The following KIRREL3 variants were observed in gnomAD, a reference collection of about 807,000 sequenced individuals.
The protein encoded by KIRREL3 is kirre like nephrin family adhesion molecule 3.
In KIRREL3, 36 loss-of-function variants were observed where a neutral mutation model predicts 89.7. That is an observed-to-expected ratio of 0.40 (90% CI 0.31 to 0.53). The LOEUF is 0.53. Ranked by LOEUF, KIRREL3 falls within the 20% of genes least tolerant of loss-of-function variation. The pLI is 0.49. For synonymous variants in KIRREL3, 445 were observed against 441.4 expected (o/e 1.01, Z -0.10); for missense variants, 864 against 1,056.6 (o/e 0.82, Z 2.53).
chr11:126,606,089 A>G lies in KIRREL3; in HGVS notation c.56-43177T>C, dbSNP rs966103191. Among the ~76,000 whole-genome samples the G allele has an allele frequency of 2.6e-5, 4 of 152,216 alleles. No homozygotes were observed. Among genetic ancestry groups the G allele is most frequent in the Non-Finnish European group, 5.9e-5 (4 of 68,044 alleles). On this transcript the variant is annotated intron_variant, in intron 1 of 16. Transcript: ENST00000525144. The surrounding 1 kb of genome is among the most constrained non-coding windows in gnomAD (Gnocchi z 4.6). Reference sequence around the variant, plus strand: ...AATCTCCCTGAGCCTCCATTTCTTCAGTAAAATGGAGCTAATAATCATATT... The same window carrying G: ...AATCTCCCTGAGCCTCCATTTCTTCGGTAAAATGGAGCTAATAATCATATT...
At chr11:126,695,754 G>T (rs1240042981) in intron 1 of KIRREL3, among the ~76,000 whole-genome samples, 3 of 152,222 alleles carry the variant, frequency 2.0e-5, no homozygotes, top group African/African-American at 7.2e-5. Context: ...CTGAGAGAGG[G>T]GAAGGAGGCA....
At chr11:126,665,318 C>G (rs1302165641) in intron 1 of KIRREL3, among the ~76,000 whole-genome samples, 1 of 152,166 alleles carries the variant, frequency 6.6e-6, no homozygotes, top group African/African-American at 2.4e-5. Flanking sequence ...AAAAATTCTA[C>G]TATAAGAATA....
intron 1 of KIRREL3, among the ~76,000 whole-genome samples, chr11:126,760,536 C>T (rs2226935): frequency 0.23 from 34,305 of 152,112 alleles, 3,983 homozygotes; most frequent in South Asian, 0.32. Context: ...TCCCTGTTCT[C>T]ATTGAGCTTG....
rs1024759675 is a variant in KIRREL3 at position 126,641,467 on chromosome 11, G to A, written c.56-78555C>T. Among the ~76,000 whole-genome samples, 1 of 152,064 alleles carries A rather than the reference G, an allele frequency of 6.6e-6. No homozygotes were observed. Among genetic ancestry groups the A allele is most frequent in the Non-Finnish European group, 1.5e-5 (1 of 68,016 alleles). ...CAGATTCTGGCTACAAATACCTGAG[G>A]TAAAAGGATACCTTTGACATTAGCA... On this transcript the variant is annotated intron_variant, in intron 1 of 16. Coordinates refer to ENST00000525144, the MANE Select transcript of KIRREL3 (RefSeq NM_032531.4). This position sits in a 1 kb window ranked among gnomAD's most constrained non-coding sequence, Gnocchi z 5.0.
chr11:126,885,427 A>T (rs1218164937), intron 1 of KIRREL3, among the ~76,000 whole-genome samples: 1 of 152,244 alleles, frequency 6.6e-6, no homozygotes, highest in Admixed American at 6.5e-5. Context: ...GCGTATGTTT[A>T]TCAAATGCAT....
At chr11:126,850,054 A>T (rs942729217) in intron 1 of KIRREL3, among the ~76,000 whole-genome samples, 3 of 152,358 alleles carry the variant, frequency 2.0e-5, no homozygotes, top group Admixed American at 6.5e-5. Flanking sequence ...CTTGTCAGGT[A>T]TCAACAGTAC....
chr11:126,865,691 G>A (rs1464654416), intron 1 of KIRREL3, among the ~76,000 whole-genome samples: 1 of 152,228 alleles, frequency 6.6e-6, no homozygotes, highest in Non-Finnish European at 1.5e-5. Context: ...GATCGACGAA[G>A]TCTCTGTTTC....
rs577152237 is a variant in KIRREL3, at chr11:126,834,879, G to C, written c.55+165576C>G. Among the ~76,000 whole-genome samples, 35 of 152,320 alleles carry C rather than the reference G, an allele frequency of 2.3e-4. No homozygotes were observed. The East Asian group carries it at 6.2e-3, about 27-fold the overall frequency. On this transcript the variant is annotated intron_variant, in intron 1 of 16. Transcript: ENST00000525144. ...CAAACAAATCATTGCTTTTTTGTCAGTGTTCCTCCTACTGACCATGCTCAG... is the reference window on the plus strand; with the variant it reads ...CAAACAAATCATTGCTTTTTTGTCACTGTTCCTCCTACTGACCATGCTCAG...
rs1246808168 is a variant in KIRREL3 at position 126,748,764 on chromosome 11, GC to G, written c.56-185853del. 6.6e-6 allele frequency among the ~76,000 whole-genome samples: 1 copy of G among 152,144 alleles called. No homozygotes were observed. The highest frequency in any genetic ancestry group is 1.9e-4 in the East Asian group (1 of 5,190). On this transcript the variant is annotated intron_variant, in intron 1 of 16. Transcript: ENST00000525144. The surrounding 1 kb of genome is among the most constrained non-coding windows in gnomAD (Gnocchi z 4.6). ...CCATCGCTGTGATAAAAGCCTCTCT[GC>G]CCACCGAAACTGTGCATGGGATCCT...
intron 1 of KIRREL3, among the ~76,000 whole-genome samples, chr11:126,688,542 A>G (rs1357535333): frequency 6.6e-6 from 1 of 152,212 alleles, no homozygotes; most frequent in Non-Finnish European, 1.5e-5. Flanking sequence ...CATAACAAAT[A>G]TAATAAAAGG....
chr11:126,919,914 C>A (rs1176071552), intron 1 of KIRREL3, among the ~76,000 whole-genome samples: 1 of 152,080 alleles, frequency 6.6e-6, no homozygotes, highest in South Asian at 2.1e-4. Flanking sequence ...TGTTACTAAA[C>A]AATAGGAGGA....
chr11:126,693,607 C>CCACACACACACACACACACACACACA (rs34918602), intron 1 of KIRREL3, among the ~76,000 whole-genome samples: 1 of 149,884 alleles, frequency 6.7e-6, no homozygotes, highest in African/African-American at 2.5e-5. Flanking sequence ...GTGCCTGTGA[C>CCACACACACACACACACACACACACA]CACACACACA....
rs1202472753 is a variant in KIRREL3, at chr11:126,677,728, CT to C, written c.56-114817del. Among the ~76,000 whole-genome samples the C allele has an allele frequency of 6.6e-6, 1 of 152,158 alleles. No homozygotes were observed. The highest frequency in any genetic ancestry group is 1.5e-5 in the Non-Finnish European group (1 of 68,016). Reference sequence around the variant, plus strand: ...CCCAGAATGAGTCCAGGGGAGCCCCCTGGACCAAAGCAGGACAGAGCTAATT... The same window carrying C: ...CCCAGAATGAGTCCAGGGGAGCCCCCGGACCAAAGCAGGACAGAGCTAATT... On this transcript the variant is annotated intron_variant, in intron 1 of 16. Coordinates refer to ENST00000525144, the MANE Select transcript of KIRREL3 (RefSeq NM_032531.4). This position sits in a 1 kb window ranked among gnomAD's most constrained non-coding sequence, Gnocchi z 5.1.
intron 1 of KIRREL3, among the ~76,000 whole-genome samples, chr11:126,692,154 C>T (rs1016130679): frequency 6.6e-6 from 1 of 152,176 alleles, no homozygotes; most frequent in Admixed American, 6.5e-5. Context: ...TCTGATGCAG[C>T]AGTTCCACTT....
intron 1 of KIRREL3, among the ~76,000 whole-genome samples, chr11:126,637,063 G>A (rs1268765975): frequency 6.6e-6 from 1 of 152,068 alleles, no homozygotes; most frequent in African/African-American, 2.4e-5. Flanking sequence ...TAGAGATCAG[G>A]GTGGTGAGTT....
chr11:126,951,736 G>A (rs1022612856), intron 1 of KIRREL3, among the ~76,000 whole-genome samples: 3 of 152,182 alleles, frequency 2.0e-5, no homozygotes, highest in African/African-American at 7.2e-5. Context: ...TATATGAGAT[G>A]CTGGAGCCAA....
rs1013764120 is a variant in KIRREL3, at chr11:126,454,432, C to T, written c.848+1917G>A. Among the ~76,000 whole-genome samples, 28 of 152,172 alleles carry T rather than the reference C, an allele frequency of 1.8e-4. No individual in the cohort carries two copies. The highest frequency in any genetic ancestry group is 1.8e-3 in the Admixed American group (27 of 15,292). ...GTTGTGTGTCCTGGTCTCTGGGGCG[C>T]CCAACAGGCATTCTAAGGGTGGCTG... is the stretch of plus-strand genomic sequence containing the variant. On this transcript the variant is annotated intron_variant, in intron 7 of 16. Coordinates refer to ENST00000525144, the MANE Select transcript of KIRREL3 (RefSeq NM_032531.4). This position sits in a 1 kb window ranked among gnomAD's most constrained non-coding sequence, Gnocchi z 5.8.
intron 7 of KIRREL3, among the ~76,000 whole-genome samples, chr11:126,450,933 G>C (rs1422996552): frequency 6.6e-6 from 1 of 151,332 alleles, no homozygotes; most frequent in East Asian, 2.0e-4. Context: ...ATGTGTGCAT[G>C]TGTGTGGGCG....
At position 126,484,106 on chromosome 11, in the gene KIRREL3, T is replaced by C. The variant is rs1323540616; in HGVS notation, c.434-10640A>G. Among the ~76,000 whole-genome samples the C allele has an allele frequency of 1.3e-5, 2 of 152,194 alleles. No homozygotes were observed. The highest frequency in any genetic ancestry group is 2.4e-5 in the African/African-American group (1 of 41,458). On this transcript the variant is annotated intron_variant, in intron 4 of 16. Transcript: ENST00000525144. This position sits in a 1 kb window ranked among gnomAD's most constrained non-coding sequence, Gnocchi z 5.2. ...CTAGTACTTAGTACAGTGCCTGGCATAGTGAGCACTTAATAAATACTTGTT... is the reference window on the plus strand; with the variant it reads ...CTAGTACTTAGTACAGTGCCTGGCACAGTGAGCACTTAATAAATACTTGTT...
Sources: gnomAD v4.1 joint callset for allele counts (sites outside exome capture counted in the v4.1 genomes callset) on GRCh38, gnomAD v4.1.1 for gene constraint, Gnocchi (gnomAD v3.1) non-coding constraint, MANE v1.5 for transcripts, NCBI Gene and HGNC (gene_info 2026-07-23, HGNC 2026-07-21) for gene names.